The following CXCR2 variants were observed in gnomAD, a reference collection of about 807,000 sequenced individuals.
CXCR2 encodes C-X-C motif chemokine receptor 2.
A neutral mutation model predicts 3.7 loss-of-function variants in CXCR2; 2 were observed. The observed-to-expected ratio is 0.55, with a 90% CI of 0.22 to 1.72. The LOEUF (loss-of-function observed/expected upper bound fraction) is 1.72. Ranked by LOEUF, CXCR2 falls within the 40% of genes most tolerant of loss-of-function variation. The pLI is 0.19. For missense variants in CXCR2, 351 were observed against 450.1 expected (o/e 0.78, Z 1.99); for synonymous variants, 203 against 193.3 (o/e 1.05, Z -0.41).
At chr2:218,132,228 C>T (rs1189642191) in intron 2 of CXCR2, among the ~76,000 whole-genome samples, 1 of 152,130 alleles carries the variant, frequency 6.6e-6, no homozygotes, top group African/African-American at 2.4e-5. Context: ...AGAAAAACTC[C>T]GTAGTCATTA....
chr2:218,129,465 C>T (rs996933674), intron 2 of CXCR2, 100 bp downstream of exon 2: 3 of 152,466 alleles, frequency 2.0e-5, no homozygotes, highest in Admixed American at 1.3e-4. Flanking sequence ...TCTCTCCCCA[C>T]CCTTGGTGGG....
At chr2:218,130,744 G>A (rs1387856484) in intron 2 of CXCR2, 1 of 152,226 alleles carries the variant, frequency 6.6e-6, no homozygotes, top group East Asian at 1.9e-4. Flanking sequence ...CCCTTAGTTT[G>A]TCCCTCTAAC....
upstream of CXCR2, among the ~76,000 whole-genome samples, chr2:218,125,528 G>A (rs1690488203): frequency 1.3e-5 from 2 of 151,784 alleles, no homozygotes; most frequent in Admixed American, 6.6e-5. Context: ...GGAGAGGCAT[G>A]CTAATGCTGC....
At chr2:218,132,145 A>G (rs1690662842) in intron 2 of CXCR2, among the ~76,000 whole-genome samples, 2 of 152,058 alleles carry the variant, frequency 1.3e-5, no homozygotes, top group South Asian at 4.2e-4. Context: ...ATACCCCAAA[A>G]GTCACCCATT....
At position 218,135,426 on chromosome 2, in the gene CXCR2, A is replaced by T; in HGVS notation, c.625A>T (p.Met209Leu). 1.2e-6 allele frequency: 2 copies of T among 1,614,194 alleles called. No individual in the cohort carries two copies. Among genetic ancestry groups the T allele is most frequent in the East Asian group, 2.2e-5 (1 of 44,878 alleles). The change falls in exon 3 of 3, where the codon ATG becomes TTG. Residue 209 changes from methionine (M) to leucine (L), a missense_variant. By Grantham distance (15) the Met-to-Leu change is conservative. Coordinates refer to ENST00000318507, the MANE Select transcript of CXCR2 (RefSeq NM_001557.4). This position sits in a 1 kb window ranked among gnomAD's most constrained non-coding sequence, Gnocchi z 4.0. ...DMGNNTANWR[M>L]LLRILPQSFG... ...GGGCAACAATACAGCAAACTGGCGG[A>T]TGCTGTTACGGATCCTGCCCCAGTC...
At chr2:218,127,176 G>A (rs1031723537) in intron 1 of CXCR2, among the ~76,000 whole-genome samples, 6 of 152,206 alleles carry the variant, frequency 3.9e-5, no homozygotes, top group Admixed American at 3.9e-4. Flanking sequence ...GCCCAGGCTG[G>A]AATGCAATGG....
chr2:218,133,341 C>T lies in CXCR2; in HGVS notation c.-25-1436C>T, dbSNP rs529992850. On this transcript the variant is annotated intron_variant, in intron 2 of 2. Coordinates refer to ENST00000318507, the MANE Select transcript of CXCR2 (RefSeq NM_001557.4). ...TTGAGGCAGAGTCTCGCTCTGTTGC[C>T]CAGGCTGGAGTGCAGTGATGTGATT... 8.0e-5 allele frequency among the ~76,000 whole-genome samples: 11 copies of T among 138,326 alleles called. No homozygotes were observed. The East Asian group carries it at 2.3e-3, about 28-fold the overall frequency. The allele number at this position is 138,326 out of a possible 152,430, so 90.7% of individuals were successfully genotyped here. A position where few individuals can be genotyped will look rare whatever the true frequency, so the allele number is the denominator to read the frequency against.
In CXCR2 at chr2:218,135,860, A is replaced by G. The variant is rs201890292; in HGVS notation, c.1059A>G (p.Ser353=). 9 of 1,612,690 alleles carry G rather than the reference A, an allele frequency of 5.6e-6. No homozygotes were observed. The highest frequency in any genetic ancestry group is 7.6e-6 in the Non-Finnish European group (9 of 1,179,102). ...DSRPSFVGSS[S]GHTSTTL The stretch of plus-strand genomic sequence containing the variant: ...GGCCTTCCTTTGTTGGCTCTTCTTC[A>G]GGGCACACTTCCACTACTCTCTAAG... Residue 353 remains serine, a synonymous_variant, in exon 3 of 3, where the codon TCA becomes TCG. Coordinates refer to ENST00000318507, the MANE Select transcript of CXCR2 (RefSeq NM_001557.4). The surrounding 1 kb of genome is among the most constrained non-coding windows in gnomAD (Gnocchi z 4.0).
In CXCR2 at chr2:218,136,291, G is replaced by A. The variant is rs56153350; in HGVS notation, c.*407G>A. 27 of 173,790 alleles carry A rather than the reference G, an allele frequency of 1.6e-4. No homozygotes were observed. Among genetic ancestry groups the A allele is most frequent in the South Asian group, 3.5e-4 (2 of 5,770 alleles). 10.8% of individuals were successfully genotyped at this position (173,790 alleles called of 1,614,324 possible). On this transcript the variant is annotated 3_prime_UTR_variant, in exon 3 of 3. Coordinates refer to ENST00000318507, the MANE Select transcript of CXCR2 (RefSeq NM_001557.4). Reference sequence around the variant, plus strand: ...ATACAAAAAAAAAAAAAAATTAGCCGGGCGTGGTGGTGAGTGCCTGTAATC... The same window carrying A: ...ATACAAAAAAAAAAAAAAATTAGCCAGGCGTGGTGGTGAGTGCCTGTAATC...
chr2:218,126,806 C>T (rs966661867), intron 1 of CXCR2, among the ~76,000 whole-genome samples: 2 of 148,546 alleles, frequency 1.3e-5, no homozygotes, highest in African/African-American at 5.1e-5. Context: ...TGCCGCTACA[C>T]TCAGCTAATT....
rs1056605583 is a variant in CXCR2 at position 218,136,977 on chromosome 2, A to G, written c.*1093A>G. 1.2e-5 allele frequency: 2 copies of G among 167,166 alleles called. No individual in the cohort carries two copies. The highest frequency in any genetic ancestry group is 4.8e-5 in the African/African-American group (2 of 41,434). The allele number at this position is 167,166 out of a possible 1,614,324, so 10.4% of individuals were successfully genotyped here. ...TGACGGTTTAATGGGCACAGGGTTT[A>G]TGTTTAGGATGTTGAAAAAGTTCTG... On this transcript the variant is annotated 3_prime_UTR_variant, in exon 3 of 3. Coordinates refer to ENST00000318507, the MANE Select transcript of CXCR2 (RefSeq NM_001557.4).
chr2:218,130,698 G>A (rs1210266965), intron 2 of CXCR2, among the ~76,000 whole-genome samples: 2 of 152,166 alleles, frequency 1.3e-5, no homozygotes, highest in Admixed American at 1.3e-4. Flanking sequence ...ATGTACCTGT[G>A]AGGCACAAAG....
rs13306439 is a variant in CXCR2 at position 218,135,698 on chromosome 2, C to T, written c.897C>T (p.Thr299=). Residue 299 remains threonine, a synonymous_variant, in exon 3 of 3, where the codon ACC becomes ACT. Coordinates refer to ENST00000318507, the MANE Select transcript of CXCR2 (RefSeq NM_001557.4). This position sits in a 1 kb window ranked among gnomAD's most constrained non-coding sequence, Gnocchi z 4.0. ...ACATCGACCGGGCTCTGGATGCCAC[C>T]GAGATTCTGGGCATCCTTCACAGCT... ...RNHIDRALDA[T]EILGILHSCL... 1.4e-5 allele frequency: 22 copies of T among 1,614,020 alleles called. No individual in the cohort carries two copies. The highest frequency in any genetic ancestry group is 6.7e-5 in the East Asian group (3 of 44,892).
rs780729371 is a variant in CXCR2 at position 218,134,949 on chromosome 2, T to C, written c.148T>C (p.Phe50Leu). 10 of 1,613,996 alleles carry C rather than the reference T, an allele frequency of 6.2e-6. No homozygotes were observed. In the African/African-American group the frequency reaches 1.1e-4, roughly 17 times the overall value. ...AGAATCCCTGGAAATCAACAAGTAT[T>C]TTGTGGTCATTATCTATGCCCTGGT... Reference protein sequence around the residue: ...EPESLEINKYFVVIIYALVFL... With the variant: ...EPESLEINKYLVVIIYALVFL... The change falls in exon 3 of 3, where the codon TTT becomes CTT. Residue 50 changes from phenylalanine (F) to leucine (L), a missense_variant. By Grantham distance (22) the Phe-to-Leu change is conservative. Transcript: ENST00000318507.
chr2:218,128,478 T>G (rs1217338484), intron 1 of CXCR2, among the ~76,000 whole-genome samples: 1 of 152,198 alleles, frequency 6.6e-6, no homozygotes, highest in Non-Finnish European at 1.5e-5. Flanking sequence ...TGGGCACTTG[T>G]GAGACAGCAG....
chr2:218,132,626 T>C (rs1479430091), intron 2 of CXCR2, among the ~76,000 whole-genome samples: 1 of 152,254 alleles, frequency 6.6e-6, no homozygotes, highest in Non-Finnish European at 1.5e-5. Context: ...GTTACTGTAC[T>C]AAATACTGTA....
intron 2 of CXCR2, 66 bp downstream of exon 2, chr2:218,129,431 C>G (rs1019811438): frequency 6.6e-5 from 10 of 152,344 alleles, no homozygotes; most frequent in African/African-American, 2.4e-4. Flanking sequence ...TCCCTTGATA[C>G]CCAGCCTACA....
At chr2:218,130,176 T>A (rs1429443027) in intron 2 of CXCR2, among the ~76,000 whole-genome samples, 1 of 152,150 alleles carries the variant, frequency 6.6e-6, no homozygotes, top group Non-Finnish European at 1.5e-5. Flanking sequence ...ATCTCAGCAC[T>A]TTGGGAGGCT....
In CXCR2 at chr2:218,135,750, A is replaced by G. The variant is rs778646347; in HGVS notation, c.949A>G (p.Ile317Val). The change falls in exon 3 of 3, where the codon ATT (isoleucine) becomes GTT (valine). Residue 317 changes from isoleucine (I) to valine (V), a missense_variant. By Grantham distance (29) the Ile-to-Val change is conservative. Coordinates refer to ENST00000318507, the MANE Select transcript of CXCR2 (RefSeq NM_001557.4). This position sits in a 1 kb window ranked among gnomAD's most constrained non-coding sequence, Gnocchi z 4.0. Reference protein sequence around the residue: ...SCLNPLIYAFIGQKFRHGLLK... With the variant: ...SCLNPLIYAFVGQKFRHGLLK... ...CCTCAACCCCCTCATCTACGCCTTC[A>G]TTGGCCAGAAGTTTCGCCATGGACT... 6.2e-7 allele frequency: 1 copy of G among 1,613,714 alleles called. No homozygotes were observed. The highest frequency in any genetic ancestry group is 8.5e-7 in the Non-Finnish European group (1 of 1,179,954).
Sources: allele counts gnomAD v4.1 joint callset (sites outside exome capture counted in the v4.1 genomes callset), GRCh38; gene constraint gnomAD v4.1.1; non-coding constraint Gnocchi (gnomAD v3.1); transcripts MANE v1.5; gene names NCBI Gene and HGNC (gene_info 2026-07-23, HGNC 2026-07-21).